Variants in ABCA10 observed in about 807,000 individuals in gnomAD.
ABCA10 encodes the protein ATP-binding cassette sub-family A member 10.
Under a neutral mutation model 187.5 loss-of-function variants are expected in ABCA10, and 169 were observed. That is an observed-to-expected ratio of 0.90 (90% CI 0.80 to 1.02). The LOEUF (loss-of-function observed/expected upper bound fraction) is 1.02, where lower values mean the gene tolerates loss of function less well. Ranked by LOEUF, ABCA10 falls within the 50% of genes least tolerant of loss-of-function variation. The probability of loss-of-function intolerance (pLI) is 0.00; values close to 1 mark genes in which losing one functional copy is unlikely to be tolerated. For missense variants in ABCA10, 1,727 were observed against 1,812.4 expected (o/e 0.95, Z 0.86); for synonymous variants, 574 against 601.8 (o/e 0.95, Z 0.68).
rs181198551 is a variant in ABCA10, at chr17:69,196,583, G to A, written c.1234+481C>T. The A allele has an allele frequency of 2.4e-3, 441 of 186,828 alleles. 2 individuals are homozygous for A. Among genetic ancestry groups the A allele is most frequent in the African/African-American group, 0.01 (426 of 41,900 alleles). The allele number at this position is 186,828 out of a possible 1,614,324, so 11.6% of individuals were successfully genotyped here. ...ATCCCAGACGATGGGCAGCCAGGCA[G>A]AGACGCTCCTCGCTTCCCAGATGGG... On this transcript the variant is annotated intron_variant, in intron 11 of 38. Coordinates refer to ENST00000690296, the MANE Select transcript of ABCA10 (RefSeq NM_001377321.1).
chr17:69,238,101 G>T (rs1464152729), intron 1 of ABCA10, among the ~76,000 whole-genome samples: 1 of 151,258 alleles, frequency 6.6e-6, no homozygotes, highest in Non-Finnish European at 1.5e-5. Flanking sequence ...GGCAGAGGTT[G>T]CAGTGAGCTG....
chr17:69,180,316 C>T (rs780899145), intron 22 of ABCA10, among the ~76,000 whole-genome samples: 92 of 152,230 alleles, frequency 6.0e-4, no homozygotes, highest in Non-Finnish European at 9.7e-4. Flanking sequence ...GCTTCTGCTC[C>T]GTGCAATGCA....
At chr17:69,211,313 TGA>T (rs1491366852) in intron 9 of ABCA10, among the ~76,000 whole-genome samples, 9 of 117,484 alleles carry the variant, frequency 7.7e-5, no homozygotes, top group East Asian at 2.8e-4. Flanking sequence ...ATCATATATA[TGA>T]TATATATATA....
intron 9 of ABCA10, among the ~76,000 whole-genome samples, chr17:69,203,399 ACTGTAGTTATTGC>A (rs1434888694): frequency 6.6e-6 from 1 of 152,220 alleles, no homozygotes; most frequent in Admixed American, 6.5e-5. Context: ...TTTTGCTACT[ACTGTAGTTATTGC>A]CTGTCCTGGT....
rs1033139369 is a variant in ABCA10, at chr17:69,192,476, C to T, written c.1871+87G>A. ...ACAGTTTCTACCAGAAGTTAAGTTG[C>T]CTTTCTTATATTTCTAAAGGCTTCT... On this transcript the variant is annotated intron_variant, in intron 16 of 38. Transcript: ENST00000690296. The T allele has an allele frequency of 9.4e-6, 11 of 1,170,060 alleles. No individual in the cohort carries two copies. In the African/African-American group the frequency reaches 1.6e-4, roughly 17 times the overall value. 72.5% of individuals were successfully genotyped at this position (1,170,060 alleles called of 1,614,324 possible).
chr17:69,228,160 T>C lies in ABCA10; in HGVS notation c.-313+421A>G, dbSNP rs142020859. ...AAGTAGAAACATTAAAACACCAATC[T>C]TCACTTTATGGATACAGAGGTCTAC... On this transcript the variant is annotated intron_variant, in intron 1 of 38. Transcript: ENST00000690296. Among the ~76,000 whole-genome samples, 678 of 152,098 alleles carry C rather than the reference T, an allele frequency of 4.5e-3. 8 individuals carry two copies. Among genetic ancestry groups the C allele is most frequent in the African/African-American group, 0.015 (638 of 41,556 alleles).
chr17:69,216,165 T>C (rs1320561794), intron 7 of ABCA10, 52 bp downstream of exon 7: 43 of 1,565,530 alleles, frequency 2.7e-5, no homozygotes, highest in Non-Finnish European at 3.5e-5. Flanking sequence ...TATTTGCTCA[T>C]GTATCTGTAA....
intron 19 of ABCA10, among the ~76,000 whole-genome samples, chr17:69,186,286 A>G (rs1417532459): frequency 6.6e-6 from 1 of 152,126 alleles, no homozygotes; most frequent in Non-Finnish European, 1.5e-5. Flanking sequence ...TCATAGAAAA[A>G]AAAAATGGAG....
Position 69,190,865 on chromosome 17 carries a change from A to G in ABCA10, c.2011+311T>C, listed in dbSNP as rs138969551. The stretch of plus-strand genomic sequence containing the variant: ...TCAAAGACTCTATTGAACTGCTTAC[A>G]TATATTTTAAAAGATAAAGTCTCAT... On this transcript the variant is annotated intron_variant, in intron 17 of 38. Transcript: ENST00000690296. Among the ~76,000 whole-genome samples the G allele has an allele frequency of 3.2e-3, 489 of 152,034 alleles. 3 individuals are homozygous for G. The highest frequency in any genetic ancestry group is 0.011 in the African/African-American group (469 of 41,556).
chr17:69,228,768 G>T lies in ABCA10; in HGVS notation c.-500C>A, dbSNP rs569162300. On this transcript the variant is annotated 5_prime_UTR_variant, in exon 1 of 39. Coordinates refer to ENST00000690296, the MANE Select transcript of ABCA10 (RefSeq NM_001377321.1). ...TAGAACATGCCAACAAATTCTGTTG[G>T]TTTTTTCCCTATGTTTTTCTCCTTG... The T allele has an allele frequency of 6.6e-6, 1 of 151,990 alleles. No individual in the cohort carries two copies. Among genetic ancestry groups the T allele is most frequent in the South Asian group, 2.1e-4 (1 of 4,816 alleles). 9.4% of individuals were successfully genotyped at this position (151,990 alleles called of 1,614,324 possible). A position where few individuals can be genotyped will look rare whatever the true frequency, so the allele number is the denominator to read the frequency against.
upstream of ABCA10, among the ~76,000 whole-genome samples, chr17:69,230,452 CTG>C: frequency 6.6e-6 from 1 of 152,160 alleles, no homozygotes; most frequent in Non-Finnish European, 1.5e-5. Context: ...CCTCAGGTCT[CTG>C]TTACACATTT....
chr17:69,181,626 A>G (rs2074381512), intron 22 of ABCA10, among the ~76,000 whole-genome samples: 1 of 152,012 alleles, frequency 6.6e-6, no homozygotes, highest in Non-Finnish European at 1.5e-5. Context: ...AAATAATTAT[A>G]TATTTAAATT....
At chr17:69,182,062 C>G (rs2074383857) in intron 22 of ABCA10, 91 bp downstream of exon 22, 1 of 1,267,044 alleles carries the variant, frequency 7.9e-7, no homozygotes, top group Non-Finnish European at 1.0e-6. Context: ...GTGGCAGAAA[C>G]AAGATTTGAA....
chr17:69,151,797 AT>A (rs1346291288), intron 36 of ABCA10, among the ~76,000 whole-genome samples: 4 of 152,198 alleles, frequency 2.6e-5, no homozygotes, highest in Non-Finnish European at 5.9e-5. Context: ...TCTCCAAGCC[AT>A]TCCACCATTT....
At chr17:69,189,840 G>T (rs2364990) in intron 18 of ABCA10, among the ~76,000 whole-genome samples, 4 of 151,906 alleles carry the variant, frequency 2.6e-5, no homozygotes, top group African/African-American at 4.8e-5. Context: ...GTAGGTTTGT[G>T]GCTTTATTGC....
At chr17:69,221,742 AAG>A in intron 5 of ABCA10, 48 bp downstream of exon 5, 1 of 1,492,332 alleles carries the variant, frequency 6.7e-7, no homozygotes, top group South Asian at 1.2e-5. Context: ...GATATTTAAA[AAG>A]AGGGAAGAAT....
intron 19 of ABCA10, 90 bp downstream of exon 19, chr17:69,187,591 T>C (rs2074431548): frequency 1.5e-6 from 2 of 1,342,112 alleles, no homozygotes; most frequent in Admixed American, 2.4e-5. Flanking sequence ...AACTGTTAAA[T>C]GAATGAATAA....
At chr17:69,199,237 CT>C (rs1444022990) in intron 10 of ABCA10, among the ~76,000 whole-genome samples, 1 of 146,104 alleles carries the variant, frequency 6.8e-6, no homozygotes, top group East Asian at 2.0e-4. Context: ...TTCTTTATTT[CT>C]TTTAATTCTC....
rs2074759604 is a variant in ABCA10, at chr17:69,222,662, T to C, written c.70A>G (p.Met24Val). 5 of 1,596,690 alleles carry C rather than the reference T, an allele frequency of 3.1e-6. No individual in the cohort carries two copies. The highest frequency in any genetic ancestry group is 2.3e-5 in the East Asian group (1 of 44,166). The change falls in exon 4 of 39, where the codon ATG (methionine) becomes GTG (valine). Residue 24 changes from methionine to valine, a missense_variant. By Grantham distance (21) the Met-to-Val change is conservative. Transcript: ENST00000690296. Reference protein sequence around the residue: ...TVIGTPDEETMDIELPKKYHE... With the variant: ...TVIGTPDEETVDIELPKKYHE... Reference sequence around the variant, plus strand: ...TATTTTTTTGGAAGTTCTATATCCATGGTCTCTTCATCTGGTGTCCCAATG... The same window carrying C: ...TATTTTTTTGGAAGTTCTATATCCACGGTCTCTTCATCTGGTGTCCCAATG...
Sources: gnomAD v4.1 joint callset for allele counts (sites outside exome capture counted in the v4.1 genomes callset) on GRCh38, gnomAD v4.1.1 for gene constraint, MANE v1.5 for transcripts, NCBI Gene and HGNC (gene_info 2026-07-23, HGNC 2026-07-21) for gene names.